CHEK2: variants seen among roughly 807,000 people sequenced by gnomAD.
The protein encoded by CHEK2 is checkpoint kinase 2.
In CHEK2, 71 loss-of-function variants were observed where a neutral mutation model predicts 69.1. That is an observed-to-expected ratio of 1.03 (90% CI 0.85 to 1.25). The LOEUF (loss-of-function observed/expected upper bound fraction) is 1.25, where lower values mean the gene tolerates loss of function less well. Ranked by LOEUF, CHEK2 falls within the 50% of genes most tolerant of loss-of-function variation. The probability of loss-of-function intolerance (pLI) is 0.00; values close to 1 mark genes in which losing one functional copy is unlikely to be tolerated. For missense variants in CHEK2, 664 were observed against 649.6 expected (o/e 1.02, Z -0.24); for synonymous variants, 189 against 226.9 (o/e 0.83, Z 1.50).
intron 5 of CHEK2, among the ~76,000 whole-genome samples, chr22:28,716,345 C>T (rs889389227): frequency 4.0e-5 from 6 of 151,884 alleles, no homozygotes; most frequent in Middle Eastern, 3.4e-3. Flanking sequence ...TACAGGCATG[C>T]GTCACCACAC....
Position 28,734,587 on chromosome 22 carries a change from C to T in CHEK2, c.135G>A (p.Thr45=), listed in dbSNP as rs745423387. The T allele has an allele frequency of 1.2e-5, 19 of 1,613,720 alleles. No individual in the cohort carries two copies. Among genetic ancestry groups the T allele is most frequent in the East Asian group, 8.9e-5 (4 of 44,860 alleles). Residue 45 remains threonine (T), a synonymous_variant, in exon 2 of 15, where the codon ACG becomes ACA. Transcript: ENST00000404276. The part of the protein sequence containing the change: ...SQGISSSSTS[T]MPNSSQSSHS... Reference sequence around the variant, plus strand: ...GAGAGGACTGGCTGGAGTTTGGCATCGTGCTGGTAGAGGAGCTGGATATGC... The same window carrying T: ...GAGAGGACTGGCTGGAGTTTGGCATTGTGCTGGTAGAGGAGCTGGATATGC...
chr22:28,698,044 G>A (rs2052658643), intron 9 of CHEK2, among the ~76,000 whole-genome samples: 1 of 151,710 alleles, frequency 6.6e-6, no homozygotes, highest in African/African-American at 2.4e-5. Flanking sequence ...CCATAAACAT[G>A]TACACCTACT....
At position 28,707,849 on chromosome 22, in the gene CHEK2, T is replaced by TC. The variant is rs1255685230; in HGVS notation, c.846+2156_846+2157insG. 2.7e-5 allele frequency among the ~76,000 whole-genome samples: 4 copies of TC among 148,414 alleles called. No individual in the cohort carries two copies. In the East Asian group the frequency reaches 7.8e-4, roughly 29 times the overall value. On this transcript the variant is annotated intron_variant, in intron 7 of 14. Coordinates refer to ENST00000404276, the MANE Select transcript of CHEK2 (RefSeq NM_007194.4). ...GTTTATCTTTTTTTTTTTTTTTTTT[T>TC]TTTGTGAGACGGAGTCTCGCTCTGT...
At chr22:28,693,593 A>G (rs529507373) in intron 13 of CHEK2, among the ~76,000 whole-genome samples, 2 of 152,324 alleles carry the variant, frequency 1.3e-5, no homozygotes, top group Non-Finnish European at 1.5e-5. Flanking sequence ...GGGGCAGCCA[A>G]GTGGAACCAG....
chr22:28,702,538 T>C (rs1456479357), intron 8 of CHEK2, among the ~76,000 whole-genome samples: 2 of 46,956 alleles, frequency 4.3e-5, no homozygotes, highest in Non-Finnish European at 1.2e-4. Flanking sequence ...GCGCCCGGCC[T>C]TTTTTTTTTT....
At chr22:28,719,537 G>A (rs765047615) in intron 4 of CHEK2, 52 bp from the exon 5 acceptor site, 16 of 1,011,250 alleles carry the variant, frequency 1.6e-5, no homozygotes, top group East Asian at 1.5e-4. Flanking sequence ...CACAAGAGGC[G>A]ATCACTGATT....
chr22:28,724,932 G>C (rs1231844230), intron 4 of CHEK2, 45 bp downstream of exon 4: 1 of 1,599,714 alleles, frequency 6.3e-7, no homozygotes, highest in Non-Finnish European at 8.6e-7. Context: ...TCCTATGAGA[G>C]AGTGGAAAAA....
intron 2 of CHEK2, among the ~76,000 whole-genome samples, chr22:28,733,415 A>G (rs1376431673): frequency 6.6e-6 from 1 of 152,182 alleles, no homozygotes; most frequent in East Asian, 1.9e-4. Flanking sequence ...CACATTGTAA[A>G]TGTCCAATTA....
At chr22:28,723,601 G>A (rs1298013990) in intron 4 of CHEK2, among the ~76,000 whole-genome samples, 10 of 48,880 alleles carry the variant, frequency 2.0e-4, no homozygotes, top group South Asian at 1.2e-3. Flanking sequence ...CCGTCACAAG[G>A]AAAAAAAAAG....
intron 8 of CHEK2, among the ~76,000 whole-genome samples, chr22:28,701,769 T>C (rs1407272279): frequency 2.2e-4 from 33 of 152,180 alleles, no homozygotes; most frequent in Admixed American, 2.2e-3. Context: ...AACCTGGTCC[T>C]GGATTGAAAG....
At chr22:28,731,577 C>A (rs550999709) in intron 2 of CHEK2, among the ~76,000 whole-genome samples, 1 of 152,266 alleles carries the variant, frequency 6.6e-6, no homozygotes, top group East Asian at 1.9e-4. Context: ...GCCTGGGTGA[C>A]AGAGTGAGAC....
At chr22:28,722,299 G>A (rs1299392936) in intron 4 of CHEK2, among the ~76,000 whole-genome samples, 2 of 151,898 alleles carry the variant, frequency 1.3e-5, no homozygotes, top group Non-Finnish European at 2.9e-5. Context: ...CCAGCACTTT[G>A]GAAGGCCGAG....
At chr22:28,730,332 G>C in intron 2 of CHEK2, 2 of 469,096 alleles carry the variant, frequency 4.3e-6, no homozygotes, top group Non-Finnish European at 7.6e-6. Context: ...GGAAAGGAAA[G>C]GAAAGGAAAA....
chr22:28,737,859 T>C (rs1197161396), intron 1 of CHEK2: 1 of 152,552 alleles, frequency 6.6e-6, no homozygotes, highest in Admixed American at 6.5e-5. Context: ...CTACTACCGC[T>C]GATAAGGAGG....
chr22:28,738,530 C>T (rs1014976853), intron 1 of CHEK2, among the ~76,000 whole-genome samples: 7 of 152,128 alleles, frequency 4.6e-5, no homozygotes, highest in African/African-American at 1.2e-4. Context: ...AGTGAAGTGA[C>T]GCATGTAATA....
chr22:28,729,425 C>T (rs184130279), intron 2 of CHEK2: 2,004 of 157,528 alleles, frequency 0.013, 23 homozygotes, highest in Middle Eastern at 0.016. Flanking sequence ...GCCTGTAGTC[C>T]CAGCTACTCG....
chr22:28,708,798 C>G (rs566646307), intron 7 of CHEK2: 7 of 222,460 alleles, frequency 3.1e-5, no homozygotes, highest in Admixed American at 5.6e-5. Flanking sequence ...CCCCTCTCTA[C>G]TAAAAATACA....
intron 6 of CHEK2, 131 bp downstream of exon 6, chr22:28,711,774 GTTCT>G (rs1382537935): frequency 1.5e-6 from 1 of 682,718 alleles, no homozygotes. Context: ...AATTTTCCAT[GTTCT>G]TTGATACTCA....
chr22:28,740,976 T>C (rs2054537417), intron 1 of CHEK2, among the ~76,000 whole-genome samples: 1 of 151,782 alleles, frequency 6.6e-6, no homozygotes, highest in Non-Finnish European at 1.5e-5. Flanking sequence ...GCCAACATGG[T>C]GAAACCTCGT....
Sources: allele counts gnomAD v4.1 joint callset (sites outside exome capture counted in the v4.1 genomes callset), GRCh38; gene constraint gnomAD v4.1.1; transcripts MANE v1.5; gene names NCBI Gene and HGNC (gene_info 2026-07-23, HGNC 2026-07-21).